The following QTMAN variants were observed in gnomAD, a reference collection of about 807,000 sequenced individuals.
QTMAN encodes the protein queuosine-tRNA mannosyltransferase.
chr2:144,034,739 A>G, the QTMAN span, among the ~76,000 whole-genome samples: 1 of 152,312 alleles, frequency 6.6e-6, no homozygotes, highest in Non-Finnish European at 1.5e-5. Flanking sequence ...AGTCAATGTC[A>G]GTTTGAAAAT....
At chr2:144,126,777 C>T in the QTMAN span, among the ~76,000 whole-genome samples, 1 of 151,892 alleles carries the variant, frequency 6.6e-6, no homozygotes, top group African/African-American at 2.4e-5. Flanking sequence ...CACAACTAGA[C>T]CCCAAAGGCA....
the QTMAN span, among the ~76,000 whole-genome samples, chr2:144,245,964 T>C: frequency 1.3e-5 from 2 of 152,170 alleles, no homozygotes; most frequent in African/African-American, 2.4e-5. Flanking sequence ...TTTTAATCCT[T>C]TCTTCCTGGT....
At chr2:144,142,115 T>C in the QTMAN span, 7 of 1,218,112 alleles carry the variant, frequency 5.7e-6, no homozygotes, top group East Asian at 1.7e-4. Context: ...GTAATTTTTA[T>C]CAACCTAAGA....
At chr2:144,133,034 A>G in the QTMAN span, among the ~76,000 whole-genome samples, 1 of 139,338 alleles carries the variant, frequency 7.2e-6, no homozygotes. Context: ...AGTTAGAGGT[A>G]GAACGCAAAC....
the QTMAN span, among the ~76,000 whole-genome samples, chr2:143,997,820 T>A: frequency 6.4e-4 from 98 of 152,042 alleles, no homozygotes; most frequent in Admixed American, 1.5e-3. Flanking sequence ...CTCATCTAGA[T>A]GCTGAATTTT....
chr2:144,116,954 C>T, the QTMAN span, among the ~76,000 whole-genome samples: 5 of 152,172 alleles, frequency 3.3e-5, no homozygotes, highest in South Asian at 1.0e-3. Flanking sequence ...TTTTGTCACT[C>T]TAGGGACTAC....
chr2:144,282,359 T>C, the QTMAN span, among the ~76,000 whole-genome samples: 1 of 149,392 alleles, frequency 6.7e-6, no homozygotes, highest in Admixed American at 6.7e-5. Flanking sequence ...TGGTGAAATA[T>C]TATATATTTC....
At chr2:144,088,903 T>C in the QTMAN span, among the ~76,000 whole-genome samples, 28 of 152,100 alleles carry the variant, frequency 1.8e-4, 1 homozygote, top group East Asian at 3.9e-3. Flanking sequence ...TCCTGGACAC[T>C]GGCCAAGGCA....
chr2:144,043,252 T>C, the QTMAN span, among the ~76,000 whole-genome samples: 7 of 151,990 alleles, frequency 4.6e-5, no homozygotes, highest in Non-Finnish European at 1.0e-4. Flanking sequence ...TGTGTGTGTG[T>C]GTTTAACCAA....
At chr2:143,972,098 G>C in the QTMAN span, among the ~76,000 whole-genome samples, 2 of 152,122 alleles carry the variant, frequency 1.3e-5, no homozygotes, top group African/African-American at 2.4e-5. Flanking sequence ...TTAAGATGAT[G>C]TATTTTACAT....
chr2:144,044,096 T>C, the QTMAN span, among the ~76,000 whole-genome samples: 2 of 152,316 alleles, frequency 1.3e-5, no homozygotes, highest in South Asian at 4.1e-4. Flanking sequence ...AAAGACAAGG[T>C]GGGCAGGTTT....
At chr2:143,976,864 A>G in the QTMAN span, among the ~76,000 whole-genome samples, 1 of 152,132 alleles carries the variant, frequency 6.6e-6, no homozygotes, top group Non-Finnish European at 1.5e-5. Context: ...ACTGCATTCC[A>G]CCCTTTAACT....
chr2:144,289,784 C>T, the QTMAN span, among the ~76,000 whole-genome samples: 2 of 152,140 alleles, frequency 1.3e-5, no homozygotes, highest in African/African-American at 4.8e-5. Flanking sequence ...AAAACACGAT[C>T]CAACTATGTG....
the QTMAN span, among the ~76,000 whole-genome samples, chr2:144,043,300 G>A: frequency 6.6e-6 from 1 of 151,120 alleles, no homozygotes; most frequent in African/African-American, 2.4e-5. Context: ...ATATGTGTTG[G>A]GAAATTTCCA....
At chr2:144,093,090 T>TGA in the QTMAN span, among the ~76,000 whole-genome samples, 1 of 152,162 alleles carries the variant, frequency 6.6e-6, no homozygotes, top group East Asian at 1.9e-4. Flanking sequence ...CATTCAACAC[T>TGA]AGACAACATG....
chr2:144,318,937 T>C, the QTMAN span, among the ~76,000 whole-genome samples: 1 of 152,180 alleles, frequency 6.6e-6, no homozygotes, highest in Non-Finnish European at 1.5e-5. Context: ...CTGGTATAAA[T>C]AGTATACCAA....
the QTMAN span, among the ~76,000 whole-genome samples, chr2:143,967,333 A>AT: frequency 3.6e-3 from 524 of 144,528 alleles, 4 homozygotes; most frequent in East Asian, 0.033. Context: ...ATAGTATATA[A>AT]TTTTTTTTTT....
chr2:143,945,555 T>C, the QTMAN span: 1 of 152,356 alleles, frequency 6.6e-6, no homozygotes, highest in South Asian at 2.1e-4. Flanking sequence ...CCTTGATCTA[T>C]TTCGTGCTTT....
chr2:144,030,005 C>T, the QTMAN span, among the ~76,000 whole-genome samples: 2 of 152,268 alleles, frequency 1.3e-5, no homozygotes, highest in East Asian at 1.9e-4. Flanking sequence ...TTCATGACAT[C>T]TCTATGAGGT....
Sources: gnomAD v4.1 joint callset for allele counts (sites outside exome capture counted in the v4.1 genomes callset) on GRCh38, gnomAD v4.1.1 for gene constraint, MANE v1.5 for transcripts, NCBI Gene and HGNC (gene_info 2026-07-23, HGNC 2026-07-21) for gene names.